Variants in KIF3B observed in about 807,000 individuals in gnomAD.
KIF3B encodes kinesin family member 3B.
A neutral mutation model predicts 74.3 loss-of-function variants in KIF3B; 38 were observed. That is an observed-to-expected ratio of 0.51 (90% CI 0.39 to 0.67). The LOEUF (loss-of-function observed/expected upper bound fraction) is 0.67, where lower values mean the gene tolerates loss of function less well. Ranked by LOEUF, KIF3B falls within the 30% of genes least tolerant of loss-of-function variation. The pLI is 0.00. For missense variants in KIF3B, 649 were observed against 932.0 expected (o/e 0.70, Z 3.95); for synonymous variants, 326 against 342.5 (o/e 0.95, Z 0.53).
intron 1 of KIF3B, among the ~76,000 whole-genome samples, chr20:32,307,996 AGAATGAGGTGGAGG>A (rs2047780471): frequency 6.6e-6 from 1 of 151,840 alleles, no homozygotes; most frequent in African/African-American, 2.4e-5. Context: ...GCACTTTGAG[AGAATGAGGTGGAGG>A]GATCCCTTGT....
At chr20:32,319,600 T>C (rs1326844607) in intron 5 of KIF3B, among the ~76,000 whole-genome samples, 1 of 145,966 alleles carries the variant, frequency 6.9e-6, no homozygotes, top group Non-Finnish European at 1.5e-5. Context: ...TTTTTTTTTT[T>C]TTGGAGTTGG....
chr20:32,278,958 C>T (rs1245773171), intron 1 of KIF3B, among the ~76,000 whole-genome samples: 2 of 122,606 alleles, frequency 1.6e-5, no homozygotes, highest in African/African-American at 6.1e-5. Flanking sequence ...GAGTCTTAGT[C>T]TGTTGCCCAG....
intron 5 of KIF3B, among the ~76,000 whole-genome samples, chr20:32,320,458 C>T (rs1386157876): frequency 1.3e-5 from 2 of 149,062 alleles, no homozygotes; most frequent in South Asian, 4.3e-4. Context: ...AATAATGTGG[C>T]CTTTTGTGAC....
intron 2 of KIF3B, among the ~76,000 whole-genome samples, chr20:32,314,198 T>C (rs1238140028): frequency 2.6e-5 from 4 of 152,224 alleles, no homozygotes; most frequent in Non-Finnish European, 4.4e-5. Flanking sequence ...CTATGGAGAA[T>C]GACATTATTT....
chr20:32,315,850 A>G (rs2047824529), intron 2 of KIF3B, among the ~76,000 whole-genome samples: 1 of 152,098 alleles, frequency 6.6e-6, no homozygotes, highest in Admixed American at 6.6e-5. Flanking sequence ...TGTTTTCCTC[A>G]GTGGACTCGG....
intron 1 of KIF3B, among the ~76,000 whole-genome samples, chr20:32,288,973 C>T (rs998693008): frequency 3.3e-5 from 5 of 152,234 alleles, no homozygotes; most frequent in African/African-American, 7.2e-5. Flanking sequence ...AGGTAGCATG[C>T]GTAGGCATGA....
At position 32,326,814 on chromosome 20, in the gene KIF3B, A is replaced by C. The variant is rs751549223; in HGVS notation, c.1792A>C (p.Lys598Gln). The change falls in exon 6 of 9, where the codon AAA (lysine) becomes CAA (glutamine). Residue 598 changes from lysine to glutamine, a missense_variant. Physicochemically the swap from Lys to Gln is moderately conservative, Grantham distance 53. Coordinates refer to ENST00000375712, the MANE Select transcript of KIF3B (RefSeq NM_004798.4). ...CTTTATCCCTCTGGAAGAAAAAAGT[A>C]AAATTATGAATAGAGCCTTCTTTGA... ...ENFIPLEEKS[K>Q]IMNRAFFDEE... 6.3e-7 allele frequency: 1 copy of C among 1,589,628 alleles called. No individual in the cohort carries two copies.
intron 5 of KIF3B, among the ~76,000 whole-genome samples, chr20:32,325,118 T>C (rs1361977095): frequency 6.6e-6 from 1 of 152,152 alleles, no homozygotes; most frequent in Non-Finnish European, 1.5e-5. Context: ...GGACAAAATA[T>C]ACCAACATAA....
At chr20:32,284,813 C>T (rs943999489) in intron 1 of KIF3B, among the ~76,000 whole-genome samples, 2 of 152,124 alleles carry the variant, frequency 1.3e-5, no homozygotes, top group South Asian at 4.1e-4. Flanking sequence ...AGGTAATAGT[C>T]GTAGCTAAGA....
At chr20:32,316,452 T>G in intron 3 of KIF3B, 75 bp from the exon 4 acceptor site, 1 of 1,600,004 alleles carries the variant, frequency 6.2e-7, no homozygotes, top group Non-Finnish European at 8.5e-7. Context: ...AGCTGGAGAC[T>G]CTGATCCTAG....
chr20:32,307,305 A>G (rs2047776423), intron 1 of KIF3B, among the ~76,000 whole-genome samples: 1 of 152,218 alleles, frequency 6.6e-6, no homozygotes. Context: ...ACTATACTGT[A>G]CACACTGTCA....
Position 32,311,197 on chromosome 20 carries a change from C to T in KIF3B, c.1404+16C>T, listed in dbSNP as rs777813334. ...CAAGATCAAGGTACCATACCCGTAC[C>T]CTTCCTTAGGCCCTTGCCCTGTCAC... On this transcript the variant is annotated intron_variant, in intron 2 of 8. Transcript: ENST00000375712. 1.4e-5 allele frequency: 22 copies of T among 1,584,016 alleles called. No homozygotes were observed. The African/African-American group carries it at 3.0e-4, about 22-fold the overall frequency.
intron 1 of KIF3B, among the ~76,000 whole-genome samples, chr20:32,301,358 C>G (rs746851966): frequency 6.6e-6 from 1 of 151,614 alleles, no homozygotes; most frequent in Non-Finnish European, 1.5e-5. Flanking sequence ...AGTCACTGTG[C>G]CCAGCCCATG....
chr20:32,305,607 G>A (rs576139547), intron 1 of KIF3B, among the ~76,000 whole-genome samples: 228 of 120,792 alleles, frequency 1.9e-3, no homozygotes, highest in Middle Eastern at 5.6e-3. Flanking sequence ...TGTGTAGATG[G>A]AGTCTTGCTC....
intron 2 of KIF3B, among the ~76,000 whole-genome samples, chr20:32,312,131 T>C (rs2047804076): frequency 6.7e-6 from 1 of 150,292 alleles, no homozygotes; most frequent in Non-Finnish European, 1.5e-5. Context: ...TTTTTTTTTT[T>C]TGAGACAGGA....
At chr20:32,318,174 T>C (rs1160409387) in intron 5 of KIF3B, among the ~76,000 whole-genome samples, 1 of 151,928 alleles carries the variant, frequency 6.6e-6, no homozygotes, top group Non-Finnish European at 1.5e-5. Context: ...TGATGGCGTG[T>C]ACCTGTAATC....
intron 1 of KIF3B, among the ~76,000 whole-genome samples, chr20:32,284,711 C>A (rs1259327171): frequency 1.3e-5 from 2 of 152,140 alleles, no homozygotes; most frequent in Non-Finnish European, 2.9e-5. Flanking sequence ...TACCAAGATC[C>A]CGGATGTTTC....
intron 1 of KIF3B, among the ~76,000 whole-genome samples, chr20:32,292,659 G>A (rs1339269581): frequency 6.6e-6 from 1 of 151,708 alleles, no homozygotes; most frequent in Non-Finnish European, 1.5e-5. Flanking sequence ...TCTGGAGGCT[G>A]AGGTGGGACG....
At position 32,287,872 on chromosome 20, in the gene KIF3B, C is replaced by CTTTTTTT. The variant is rs10699896; in HGVS notation, c.-66+10129_-66+10135dup. On this transcript the variant is annotated intron_variant, in intron 1 of 8. Transcript: ENST00000375712. ...CCTTCTTAGGATCCTCTAAAAGTAT[C>CTTTTTTT]TTTTTTTTTTTTTTTTTTTTTTTTT... 2.3e-4 allele frequency among the ~76,000 whole-genome samples: 11 copies of CTTTTTTT among 47,498 alleles called. 2 individuals are homozygous for CTTTTTTT. Among genetic ancestry groups the CTTTTTTT allele is most frequent in the African/African-American group, 6.1e-4 (7 of 11,536 alleles). The allele number at this position is 47,498 out of a possible 152,430, so 31.2% of individuals were successfully genotyped here. A position where few individuals can be genotyped will look rare whatever the true frequency, so the allele number is the denominator to read the frequency against.
Sources: allele counts gnomAD v4.1 joint callset (sites outside exome capture counted in the v4.1 genomes callset), GRCh38; gene constraint gnomAD v4.1.1; transcripts MANE v1.5; gene names NCBI Gene and HGNC (gene_info 2026-07-23, HGNC 2026-07-21).